CHD2: variants seen among roughly 807,000 people sequenced by gnomAD.
The protein encoded by CHD2 is chromodomain helicase DNA binding protein 2.
CHD2 carries 28 observed loss-of-function variants against 243.9 expected under a neutral mutation model. That is an observed-to-expected ratio of 0.11 (90% CI 0.09 to 0.16). CHD2 has a LOEUF of 0.16. CHD2 is among the 10% of genes least tolerant of loss of function. The pLI is 1.00. For missense variants in CHD2, 1,386 were observed against 2,209.8 expected, an observed-to-expected ratio of 0.63 and a Z score of 7.47; for synonymous variants, 775 against 779.0, an observed-to-expected ratio of 0.99 and a Z score of 0.09.
At chr15:92,939,094 A>C (rs1301394697) in intron 6 of CHD2, among the ~76,000 whole-genome samples, 1 of 151,950 alleles carries the variant, frequency 6.6e-6, no homozygotes, top group Non-Finnish European at 1.5e-5. Flanking sequence ...TTCCAGTTGA[A>C]GAATATTTAG....
chr15:93,010,914 A>G (rs1308579572), intron 35 of CHD2, among the ~76,000 whole-genome samples: 1 of 152,188 alleles, frequency 6.6e-6, no homozygotes, highest in Non-Finnish European at 1.5e-5. Flanking sequence ...ATCTCAGAGG[A>G]CTGGTTTTTG....
At chr15:92,999,280 A>G (rs1278900558) in intron 31 of CHD2, among the ~76,000 whole-genome samples, 2 of 151,806 alleles carry the variant, frequency 1.3e-5, no homozygotes, top group African/African-American at 4.8e-5. Context: ...CAGTTACTGC[A>G]TTGAATACCT....
chr15:92,937,395 T>C (rs2053284060), intron 5 of CHD2, 123 bp from the exon 6 acceptor site: 3 of 646,004 alleles, frequency 4.6e-6, no homozygotes, highest in Admixed American at 2.9e-5. Context: ...GAATCTCTTT[T>C]AGCATGTCTA....
intron 12 of CHD2, chr15:92,947,584 A>T (rs962967022): frequency 6.6e-6 from 1 of 152,260 alleles, no homozygotes; most frequent in Non-Finnish European, 1.5e-5. Context: ...TTCATGTAAT[A>T]GCAGTATATA....
At chr15:92,981,823 T>C (rs1232846845) in intron 24 of CHD2, among the ~76,000 whole-genome samples, 1 of 152,132 alleles carries the variant, frequency 6.6e-6, no homozygotes, top group Non-Finnish European at 1.5e-5. Flanking sequence ...TAGATGACAA[T>C]TAGAAGGTTC....
At position 92,971,722 on chromosome 15, in the gene CHD2, G is replaced by T. The variant is rs189630679; in HGVS notation, c.2190-43G>T. The T allele has an allele frequency of 1.8e-4, 278 of 1,561,068 alleles. No homozygotes were observed. Among genetic ancestry groups the T allele is most frequent in the Non-Finnish European group, 2.2e-4 (257 of 1,149,300 alleles). ...ACTCTTCTGGTACCTACAACTTTCT[G>T]TTTTTTTGTATCTAGTAGTATCATT... On this transcript the variant is annotated intron_variant, in intron 17 of 38. Coordinates refer to ENST00000394196, the MANE Select transcript of CHD2 (RefSeq NM_001271.4).
At chr15:92,972,007 C>A in intron 18 of CHD2, 80 bp downstream of exon 18, 2 of 1,418,518 alleles carry the variant, frequency 1.4e-6, no homozygotes, top group Admixed American at 2.3e-5. Context: ...GCTCTATTTC[C>A]TTGTTGGTGA....
chr15:92,946,288 C>CCTG, intron 12 of CHD2, 72 bp downstream of exon 12: 1 of 1,183,856 alleles, frequency 8.4e-7, no homozygotes, highest in South Asian at 2.4e-5. Flanking sequence ...CACATATGTG[C>CCTG]TGAGAAAATA....
chr15:92,924,903 T>C (rs1314790967), intron 3 of CHD2, among the ~76,000 whole-genome samples: 2 of 152,156 alleles, frequency 1.3e-5, no homozygotes, highest in African/African-American at 4.8e-5. Context: ...CAGGTTCAAG[T>C]GATTCTCCTG....
chr15:92,908,651 C>G (rs2052667837), intron 2 of CHD2, among the ~76,000 whole-genome samples: 1 of 152,204 alleles, frequency 6.6e-6, no homozygotes. Flanking sequence ...AACCCTTGGT[C>G]TTTCCATTGC....
At chr15:92,911,067 A>G (rs1479974988) in intron 2 of CHD2, among the ~76,000 whole-genome samples, 11 of 152,230 alleles carry the variant, frequency 7.2e-5, no homozygotes, top group Non-Finnish European at 1.3e-4. Context: ...ACTGTTGTAT[A>G]TGACACCAGT....
At chr15:92,988,994 T>C (rs1268352903) in intron 26 of CHD2, among the ~76,000 whole-genome samples, 2 of 151,570 alleles carry the variant, frequency 1.3e-5, no homozygotes, top group South Asian at 2.1e-4. Flanking sequence ...TATTACCTGC[T>C]TTTTTTCCTA....
At chr15:92,975,142 T>C (rs1025872103) in intron 20 of CHD2, among the ~76,000 whole-genome samples, 192 bp downstream of exon 20, 1 of 152,208 alleles carries the variant, frequency 6.6e-6, no homozygotes, top group African/African-American at 2.4e-5. Context: ...ATGTGCTTAT[T>C]TATCTCCCCT....
At chr15:92,925,091 A>G (rs1466001006) in intron 3 of CHD2, among the ~76,000 whole-genome samples, 2 of 152,166 alleles carry the variant, frequency 1.3e-5, no homozygotes, top group Admixed American at 6.5e-5. Context: ...CTGAGCCACC[A>G]TGCCCAGCCT....
At chr15:92,901,441 C>A in intron 2 of CHD2, 142 bp downstream of exon 2, 2 of 639,968 alleles carry the variant, frequency 3.1e-6, no homozygotes, top group Non-Finnish European at 5.6e-6. Context: ...AAAGCATGAC[C>A]TTGAGATTGC....
chr15:93,016,017 C>T (rs919468385), intron 37 of CHD2, among the ~76,000 whole-genome samples: 1 of 152,142 alleles, frequency 6.6e-6, no homozygotes, highest in African/African-American at 2.4e-5. Flanking sequence ...ATATATTCAA[C>T]GAAAATGAAA....
At chr15:92,959,017 C>G (rs112661587) in intron 16 of CHD2, among the ~76,000 whole-genome samples, 11,131 of 152,232 alleles carry the variant, frequency 0.073, 433 homozygotes, top group Middle Eastern at 0.19. Context: ...ATAATTTGAA[C>G]ATATTTTATC....
At chr15:92,933,165 C>T (rs563751340) in intron 5 of CHD2, among the ~76,000 whole-genome samples, 12 of 152,116 alleles carry the variant, frequency 7.9e-5, no homozygotes, top group African/African-American at 2.7e-4. Context: ...TCAGTCTCCC[C>T]AGTAGCTGGG....
intron 36 of CHD2, among the ~76,000 whole-genome samples, chr15:93,013,241 T>C (rs752782334): frequency 1.3e-5 from 2 of 152,214 alleles, no homozygotes; most frequent in Admixed American, 6.5e-5. Flanking sequence ...GAATATGTTA[T>C]AGCAGTAACA....
Sources: allele counts gnomAD v4.1 joint callset (sites outside exome capture counted in the v4.1 genomes callset), GRCh38; gene constraint gnomAD v4.1.1; transcripts MANE v1.5; gene names NCBI Gene and HGNC (gene_info 2026-07-23, HGNC 2026-07-21).